LRRFIP1: variants seen among roughly 807,000 people sequenced by gnomAD.
LRRFIP1 encodes the protein LRR binding FLII interacting protein 1.
A neutral mutation model predicts 104.4 loss-of-function variants in LRRFIP1; 62 were observed. The ratio of observed to expected loss-of-function variants is 0.59; its 90% confidence interval spans 0.48 to 0.73. The LOEUF (loss-of-function observed/expected upper bound fraction) is 0.73. Ranked by LOEUF, LRRFIP1 falls within the 30% of genes least tolerant of loss-of-function variation. The pLI is 0.00. For synonymous variants in LRRFIP1, 300 were observed against 299.0 expected (o/e 1.00, Z -0.03); for missense variants, 796 against 824.5 (o/e 0.97, Z 0.42).
At chr2:237,749,580 C>T (rs777795875) in intron 13 of LRRFIP1, among the ~76,000 whole-genome samples, 4 of 152,090 alleles carry the variant, frequency 2.6e-5, no homozygotes, top group Admixed American at 2.0e-4. Context: ...CCTCAGCACC[C>T]GGGGAATACC....
intron 1 of LRRFIP1, chr2:237,692,147 G>A (rs1379905936): frequency 1.1e-5 from 11 of 993,708 alleles, no homozygotes; most frequent in African/African-American, 1.8e-5. Flanking sequence ...GCGGAACTGC[G>A]TGGGGGGCGG....
intron 1 of LRRFIP1, among the ~76,000 whole-genome samples, chr2:237,650,623 A>G (rs572176383): frequency 6.6e-6 from 1 of 152,356 alleles, no homozygotes; most frequent in African/African-American, 2.4e-5. Flanking sequence ...CAGCAGGGGC[A>G]AGAGCAGAAG....
intron 19 of LRRFIP1, chr2:237,762,643 G>A (rs770668354): frequency 7.5e-6 from 12 of 1,609,062 alleles, no homozygotes; most frequent in Admixed American, 3.4e-5. Context: ...AAATCGTGGC[G>A]AATGTGGGGA....
chr2:237,748,286 AT>A, intron 11 of LRRFIP1, 77 bp from the exon 12 acceptor site: 1 of 1,045,528 alleles, frequency 9.6e-7, no homozygotes, highest in Non-Finnish European at 1.5e-6. Flanking sequence ...TGTTTTGTTT[AT>A]CATTCATAGC....
chr2:237,760,416 T>C (rs1006509729), intron 19 of LRRFIP1, among the ~76,000 whole-genome samples: 3 of 152,258 alleles, frequency 2.0e-5, no homozygotes, highest in Non-Finnish European at 4.4e-5. Flanking sequence ...GCACCATCAA[T>C]GGCTCAAGTG....
intron 19 of LRRFIP1, among the ~76,000 whole-genome samples, chr2:237,761,128 G>A (rs2059818034): frequency 6.6e-6 from 1 of 152,178 alleles, no homozygotes; most frequent in Admixed American, 6.5e-5. Context: ...TTATGGAAAT[G>A]TAGACACCTC....
chr2:237,712,403 A>G (rs1236462992), intron 2 of LRRFIP1, among the ~76,000 whole-genome samples: 3 of 152,234 alleles, frequency 2.0e-5, no homozygotes, highest in Non-Finnish European at 4.4e-5. Flanking sequence ...AAACAGAATG[A>G]TCCACATAAT....
Position 237,780,496 on chromosome 2 carries a change from G to A in LRRFIP1, c.*964G>A, listed in dbSNP as rs1034407094. On this transcript the variant is annotated 3_prime_UTR_variant, in exon 24 of 24. Coordinates refer to ENST00000308482, the MANE Select transcript of LRRFIP1 (RefSeq NM_001137550.2). ...AGTGCACTTAAAAAGTGAAGTGAAG[G>A]AGGAGGTAACAGTAGAGACGATGGC... Among the ~76,000 whole-genome samples the A allele has an allele frequency of 1.3e-5, 2 of 152,206 alleles. No homozygotes were observed. Among genetic ancestry groups the A allele is most frequent in the African/African-American group, 2.4e-5 (1 of 41,446 alleles).
intron 21 of LRRFIP1, chr2:237,772,657 C>T: frequency 3.4e-6 from 2 of 589,304 alleles, no homozygotes; most frequent in Non-Finnish European, 6.0e-6. Flanking sequence ...TTTCCTGCCC[C>T]AAGCACAGGG....
At chr2:237,763,669 G>C in intron 19 of LRRFIP1, 1 of 1,614,136 alleles carries the variant, frequency 6.2e-7, no homozygotes, top group Non-Finnish European at 8.5e-7. Context: ...AAATTAAGTT[G>C]GATGGAAAAC....
At chr2:237,747,936 AAGG>A (rs1430984727) in intron 11 of LRRFIP1, among the ~76,000 whole-genome samples, 1 of 152,168 alleles carries the variant, frequency 6.6e-6, no homozygotes, top group African/African-American at 2.4e-5. Flanking sequence ...CAAACAAAAA[AAGG>A]AGAAAAAAAG....
intron 10 of LRRFIP1, among the ~76,000 whole-genome samples, chr2:237,736,598 A>T (rs538004282): frequency 6.2e-4 from 95 of 152,264 alleles, no homozygotes; most frequent in African/African-American, 2.1e-3. Context: ...CACGTCTGAG[A>T]TGGGCTTCGG....
At chr2:237,638,487 G>A (rs2083420119) in intron 1 of LRRFIP1, among the ~76,000 whole-genome samples, 1 of 152,208 alleles carries the variant, frequency 6.6e-6, no homozygotes, top group African/African-American at 2.4e-5. Context: ...ACTGGTACCA[G>A]TCTGTGCCCC....
intron 1 of LRRFIP1, among the ~76,000 whole-genome samples, chr2:237,701,940 T>C (rs1475503448): frequency 6.6e-6 from 1 of 152,196 alleles, no homozygotes; most frequent in Non-Finnish European, 1.5e-5. Context: ...GAAAAGACCC[T>C]GCAGGGGGAG....
At chr2:237,732,600 A>G (rs1033411460) in intron 8 of LRRFIP1, among the ~76,000 whole-genome samples, 1 of 152,244 alleles carries the variant, frequency 6.6e-6, no homozygotes, top group Non-Finnish European at 1.5e-5. Context: ...AAACCATGTC[A>G]AATAAGTTAG....
chr2:237,639,454 C>T (rs1294522247), intron 1 of LRRFIP1, among the ~76,000 whole-genome samples: 1 of 152,200 alleles, frequency 6.6e-6, no homozygotes, highest in Non-Finnish European at 1.5e-5. Flanking sequence ...TGAATTCAAG[C>T]ATCAACAGTA....
chr2:237,681,697 T>TTTTTTTTTTTTTTTTG, intron 1 of LRRFIP1, among the ~76,000 whole-genome samples: 1 of 107,926 alleles, frequency 9.3e-6, no homozygotes, highest in Non-Finnish European at 2.0e-5. Flanking sequence ...TTTTTTTTTT[T>TTTTTTTTTTTTTTTTG]GAGACGGAGT....
chr2:237,727,931 G>T lies in LRRFIP1; in HGVS notation c.440G>T (p.Gly147Val). The T allele has an allele frequency of 6.2e-7, 1 of 1,610,166 alleles. No individual in the cohort carries two copies. Among genetic ancestry groups the T allele is most frequent in the Non-Finnish European group, 8.5e-7 (1 of 1,177,786 alleles). ...TCACAGTCCCTGAATAGAAGATCTG[G>T]CAGGGTTAGTATAGTAAATTTGCAT... The part of the protein sequence containing the change: ...YGSQSLNRRS[G>V]RPSCLYSAAR... Residue 147 changes from glycine to valine, a missense_variant, in exon 8 of 24, where the codon GGC (glycine) becomes GTC (valine). Gly to Val is a moderately radical substitution (Grantham distance 109). Transcript: ENST00000308482.
intron 10 of LRRFIP1, among the ~76,000 whole-genome samples, chr2:237,738,431 C>T (rs762893608): frequency 9.2e-5 from 14 of 152,272 alleles, no homozygotes; most frequent in South Asian, 2.1e-4. Context: ...TCAGCAGTGG[C>T]GAGGCTTGCT....
Sources: allele counts gnomAD v4.1 joint callset (sites outside exome capture counted in the v4.1 genomes callset), GRCh38; gene constraint gnomAD v4.1.1; transcripts MANE v1.5; gene names NCBI Gene and HGNC (gene_info 2026-07-23, HGNC 2026-07-21).